PPRC1: variants seen among roughly 807,000 people sequenced by gnomAD.
PPRC1 encodes PPARG related coactivator 1, also known as peroxisome proliferator-activated receptor gamma coactivator-related protein 1.
PPRC1 carries 23 observed loss-of-function variants against 132.5 expected under a neutral mutation model. The observed-to-expected ratio is 0.17, with a 90% CI of 0.12 to 0.25. The LOEUF (loss-of-function observed/expected upper bound fraction) is 0.25. Among genes scored for constraint, PPRC1 ranks in the 10% least tolerant of loss-of-function variants. PPRC1 has a pLI of 1.00. For missense variants in PPRC1, 2,006 were observed against 2,089.1 expected (o/e 0.96, Z 0.78); for synonymous variants, 872 against 833.5 (o/e 1.05, Z -0.80).
At chr10:102,144,947 T>A in intron 7 of PPRC1, 73 bp from the exon 8 acceptor site, 13 of 1,281,122 alleles carry the variant, frequency 1.0e-5, no homozygotes, top group Admixed American at 2.0e-5. Flanking sequence ...CTCCCATTGA[T>A]TTCTGAGAAA....
At chr10:102,142,103 T>C in intron 5 of PPRC1, 99 bp downstream of exon 5, 1 of 1,385,130 alleles carries the variant, frequency 7.2e-7, no homozygotes, top group Non-Finnish European at 9.7e-7. Context: ...GTTGGATTTC[T>C]TTGGAGGAGT....
rs1470773896 is a variant in PPRC1, at chr10:102,141,112, T to C, written c.2604T>C (p.Ala868=). 1.2e-6 allele frequency: 2 copies of C among 1,614,024 alleles called. No individual in the cohort carries two copies. Reference sequence around the variant, plus strand: ...CTCCTGTGCAGTCTGTGTCCCCTGCTGTGCCCACACCTCCCTCGATGTCTG... The same window carrying C: ...CTCCTGTGCAGTCTGTGTCCCCTGCCGTGCCCACACCTCCCTCGATGTCTG... ...PSPPVQSVSP[A]VPTPPSMSAA... Residue 868 remains alanine (A), a synonymous_variant, in exon 5 of 14, where the codon GCT becomes GCC. Coordinates refer to ENST00000278070, the MANE Select transcript of PPRC1 (RefSeq NM_015062.5).
chr10:102,127,011 G>T, the PPRC1 span, among the ~76,000 whole-genome samples: 3 of 74,356 alleles, frequency 4.0e-5, no homozygotes, highest in Admixed American at 1.6e-4. Flanking sequence ...AAGGAATATG[G>T]TTTTTTATCA....
Position 102,139,570 on chromosome 10 carries a change from A to T in PPRC1, c.1062A>T (p.Thr354=). The T allele has an allele frequency of 6.2e-7, 1 of 1,613,886 alleles. No homozygotes were observed. The highest frequency in any genetic ancestry group is 8.5e-7 in the Non-Finnish European group (1 of 1,179,944). ...TGGAGATTGTGGGGCAGGCAGCCAC[A>T]GCTGGCGATGACCTGGAGATCCCAG... The part of the protein sequence containing the change: ...VVLEIVGQAA[T]AGDDLEIPVV... The change falls in exon 5 of 14, where the codon ACA becomes ACT. Residue 354 remains threonine, a synonymous_variant. Transcript: ENST00000278070.
chr10:102,125,357 G>C, the PPRC1 span, among the ~76,000 whole-genome samples: 1 of 150,306 alleles, frequency 6.7e-6, no homozygotes, highest in East Asian at 2.0e-4. Flanking sequence ...CTCCTGGGTT[G>C]AAGCAATTCC....
chr10:102,120,257 C>T, the PPRC1 span: 1 of 983,244 alleles, frequency 1.0e-6, no homozygotes, highest in Non-Finnish European at 1.2e-6. Flanking sequence ...TGCGGGCGGC[C>T]CCTGGCTGCG....
rs2068960742 is a variant in PPRC1, at chr10:102,141,219, T to G, written c.2711T>G (p.Leu904Trp). Residue 904 changes from leucine to tryptophan, a missense_variant, in exon 5 of 14, where the codon TTG (leucine) becomes TGG (tryptophan). This residue lies in a region of PPRC1 where 1,914 missense variants were observed against 1,917.2 expected (regional missense o/e 1.00). Coordinates refer to ENST00000278070, the MANE Select transcript of PPRC1 (RefSeq NM_015062.5). ...PPPLQPPSLP[L>W]SMGPVLPDPF... is the part of the protein sequence containing the mutation. ...CCCTTGCAGCCTCCTAGTCTTCCAT[T>G]GTCTATGGGGCCAGTACTACCTGAT... 1.2e-5 allele frequency: 19 copies of G among 1,613,804 alleles called. No individual in the cohort carries two copies. The highest frequency in any genetic ancestry group is 1.7e-5 in the Admixed American group (1 of 60,016).
At chr10:102,147,436 C>G in intron 9 of PPRC1, 44 bp downstream of exon 9, 1 of 1,547,444 alleles carries the variant, frequency 6.5e-7, no homozygotes, top group Non-Finnish European at 8.7e-7. Flanking sequence ...TTAGGAAGTT[C>G]ACGTACTTCT....
rs770262281 is a variant in PPRC1, at chr10:102,140,692, G to A, written c.2184G>A (p.Glu728=). ...PPKTIIPEVK[E]VVDSLKIESG... ...AGACCATCATCCCTGAAGTCAAAGAGGTTGTGGATTCTCTGAAAATTGAAA... is the reference window on the plus strand; with the variant it reads ...AGACCATCATCCCTGAAGTCAAAGAAGTTGTGGATTCTCTGAAAATTGAAA... The change falls in exon 5 of 14, where the codon GAG becomes GAA. Residue 728 remains glutamate (E), a synonymous_variant. Transcript: ENST00000278070. The A allele has an allele frequency of 6.2e-7, 1 of 1,614,082 alleles. No individual in the cohort carries two copies. The highest frequency in any genetic ancestry group is 1.1e-5 in the South Asian group (1 of 91,078).
intron 5 of PPRC1, among the ~76,000 whole-genome samples, chr10:102,142,487 C>T (rs1225576262): frequency 5.2e-5 from 7 of 135,206 alleles, no homozygotes; most frequent in Admixed American, 4.9e-4. Flanking sequence ...GGCGTGATCT[C>T]GGCTCACCGC....
intron 1 of PPRC1, among the ~76,000 whole-genome samples, chr10:102,135,201 A>T (rs986417403): frequency 3.3e-5 from 5 of 152,174 alleles, no homozygotes; most frequent in Non-Finnish European, 7.4e-5. Flanking sequence ...TAAAGCTGAG[A>T]TGTTAAAACT....
Position 102,146,783 on chromosome 10 carries a change from A to G in PPRC1, c.3791A>G (p.Lys1264Arg), listed in dbSNP as rs2069264632. Reference sequence around the variant, plus strand: ...TCCACCGCCCAGGAGGGAACCCTGAAGCCTGAAGGAGTTACGGAGGCCAAA... The same window carrying G: ...TCCACCGCCCAGGAGGGAACCCTGAGGCCTGAAGGAGTTACGGAGGCCAAA... ...PKSTAQEGTLKPEGVTEAKHP... is the reference protein window; with the variant it reads ...PKSTAQEGTLRPEGVTEAKHP... Residue 1264 changes from lysine to arginine, a missense_variant, in exon 9 of 14, where the codon AAG (lysine) becomes AGG (arginine). Around this residue, in one of 2 missense-constraint regions of PPRC1, gnomAD observed 1,914 missense variants for 1,917.2 expected, o/e 1.00. Coordinates refer to ENST00000278070, the MANE Select transcript of PPRC1 (RefSeq NM_015062.5). 1 of 1,613,956 alleles carries G rather than the reference A, an allele frequency of 6.2e-7. No individual in the cohort carries two copies. Among genetic ancestry groups the G allele is most frequent in the Non-Finnish European group, 8.5e-7 (1 of 1,180,006 alleles).
At position 102,149,346 on chromosome 10, in the gene PPRC1, C is replaced by T. The variant is rs760213644; in HGVS notation, c.4891+17C>T. On this transcript the variant is annotated intron_variant, in intron 13 of 13. Coordinates refer to ENST00000278070, the MANE Select transcript of PPRC1 (RefSeq NM_015062.5). ...CTGATCTTGGTGAGTGGAGGGAGGGCCTAAAGCTTTGGAATGCTTCATCCC... is the reference window on the plus strand; with the variant it reads ...CTGATCTTGGTGAGTGGAGGGAGGGTCTAAAGCTTTGGAATGCTTCATCCC... 2 of 1,556,722 alleles carry T rather than the reference C, an allele frequency of 1.3e-6. No homozygotes were observed. Among genetic ancestry groups the T allele is most frequent in the South Asian group, 2.4e-5 (2 of 83,786 alleles).
the PPRC1 span, among the ~76,000 whole-genome samples, chr10:102,123,984 G>A: frequency 1.3e-5 from 2 of 151,758 alleles, no homozygotes; most frequent in Non-Finnish European, 2.9e-5. Flanking sequence ...GGGATTATAG[G>A]CATGCACCAC....
chr10:102,139,502 G>A lies in PPRC1; in HGVS notation c.994G>A (p.Glu332Lys). Residue 332 changes from glutamate (E) to lysine (K), a missense_variant, in exon 5 of 14, where the codon GAG becomes AAG. By Grantham distance (56) the Glu-to-Lys change is moderately conservative. Around this residue, in one of 2 missense-constraint regions of PPRC1, gnomAD observed 1,914 missense variants for 1,917.2 expected, o/e 1.00. Coordinates refer to ENST00000278070, the MANE Select transcript of PPRC1 (RefSeq NM_015062.5). ...GGCATCACTTGAGGATGAGCTTCAG[G>A]AGCAGCCAGATGATTTGACACTGCC... Reference protein sequence around the residue: ...HLASLEDELQEQPDDLTLPEG... With the variant: ...HLASLEDELQKQPDDLTLPEG... 2 of 1,614,068 alleles carry A rather than the reference G, an allele frequency of 1.2e-6. No individual in the cohort carries two copies. Among genetic ancestry groups the A allele is most frequent in the South Asian group, 1.1e-5 (1 of 91,084 alleles).
Position 102,139,267 on chromosome 10 carries a change from C to G in PPRC1, c.759C>G (p.Ala253=). ...ATGGAGAAGAAGAGGAGGAGGTGGCCAGCTTCAGTGGCCAGATTCTTGCCG... is the reference window on the plus strand; with the variant it reads ...ATGGAGAAGAAGAGGAGGAGGTGGCGAGCTTCAGTGGCCAGATTCTTGCCG... ...RSDGEEEEEV[A]SFSGQILAGE... The change falls in exon 5 of 14, where the codon GCC becomes GCG. Residue 253 remains alanine, a synonymous_variant. Coordinates refer to ENST00000278070, the MANE Select transcript of PPRC1 (RefSeq NM_015062.5). 1 of 1,614,180 alleles carries G rather than the reference C, an allele frequency of 6.2e-7. No homozygotes were observed. The highest frequency in any genetic ancestry group is 8.5e-7 in the Non-Finnish European group (1 of 1,180,030).
chr10:102,144,781 A>G (rs2069146186), intron 7 of PPRC1: 3 of 538,978 alleles, frequency 5.6e-6, no homozygotes, highest in Non-Finnish European at 1.0e-5. Flanking sequence ...GATGTGAAGG[A>G]GGTGGGGGGT....
rs1022188954 is a variant in PPRC1 at position 102,134,276 on chromosome 10, G to C, written c.153+1055G>C. On this transcript the variant is annotated intron_variant, in intron 1 of 13. Coordinates refer to ENST00000278070, the MANE Select transcript of PPRC1 (RefSeq NM_015062.5). ...AGAAACTGGGGTGGTCCGTACTTAAGGCTCTTCGGATTTTTTGCTGGGGAT... is the reference window on the plus strand; with the variant it reads ...AGAAACTGGGGTGGTCCGTACTTAACGCTCTTCGGATTTTTTGCTGGGGAT... Among the ~76,000 whole-genome samples the C allele has an allele frequency of 3.3e-5, 5 of 152,136 alleles. No homozygotes were observed. The East Asian group carries it at 9.6e-4, about 29-fold the overall frequency.
chr10:102,150,077 C>A lies in PPRC1; in HGVS notation c.*48C>A. The A allele has an allele frequency of 7.3e-7, 1 of 1,375,784 alleles. No homozygotes were observed. Among genetic ancestry groups the A allele is most frequent in the Non-Finnish European group, 1.0e-6 (1 of 963,328 alleles). 85.2% of individuals were successfully genotyped at this position (1,375,784 alleles called of 1,614,324 possible). Reference sequence around the variant, plus strand: ...CTTTTTCTCCTTTGGAGGTGCCCAACCTCCTCCACCCCCTTCCCCTACTCT... The same window carrying A: ...CTTTTTCTCCTTTGGAGGTGCCCAAACTCCTCCACCCCCTTCCCCTACTCT... On this transcript the variant is annotated 3_prime_UTR_variant, in exon 14 of 14. Transcript: ENST00000278070.
Sources: gnomAD v4.1 joint callset for allele counts (sites outside exome capture counted in the v4.1 genomes callset) on GRCh38, gnomAD v4.1.1 for gene constraint, gnomAD v4.1.1 regional missense constraint, MANE v1.5 for transcripts, NCBI Gene and HGNC (gene_info 2026-07-23, HGNC 2026-07-21) for gene names.